TRANK1: variants seen among roughly 807,000 people sequenced by gnomAD.
TRANK1 encodes TPR and ankyrin repeat-containing protein 1.
In TRANK1, 198 loss-of-function variants were observed where a neutral mutation model predicts 266.0. The observed-to-expected ratio is 0.74, with a 90% CI of 0.66 to 0.84. The LOEUF (loss-of-function observed/expected upper bound fraction) is 0.84, where lower values mean the gene tolerates loss of function less well. Among genes scored for constraint, TRANK1 ranks in the 40% least tolerant of loss-of-function variants. The pLI, the probability that TRANK1 is intolerant of heterozygous loss-of-function variation, is 0.00. For missense variants in TRANK1, 3,326 were observed against 3,634.6 expected, an observed-to-expected ratio of 0.92 and a Z score of 2.18; for synonymous variants, 1,396 against 1,384.1, an observed-to-expected ratio of 1.01 and a Z score of -0.19.
rs1458728227 is a variant in TRANK1 at position 36,855,777 on chromosome 3, A to T, written c.3945T>A (p.Ser1315Arg). The part of the protein sequence containing the change: ...DKAVEMRTGD[S>R]DPRVYVTFEV... Reference sequence around the variant, plus strand: ...CAAACGTCACGTACACCCGGGGGTCACTGTCACCCGTACGCATTTCTACAG... The same window carrying T: ...CAAACGTCACGTACACCCGGGGGTCTCTGTCACCCGTACGCATTTCTACAG... Residue 1315 changes from serine (S) to arginine (R), a missense_variant, in exon 13 of 24, where the codon AGT becomes AGA. By Grantham distance (110) the Ser-to-Arg change is moderately radical. Coordinates refer to ENST00000645898, the MANE Select transcript of TRANK1 (RefSeq NM_001329998.2). 6.2e-7 allele frequency: 1 copy of T among 1,613,712 alleles called. No homozygotes were observed. The highest frequency in any genetic ancestry group is 1.7e-5 in the Admixed American group (1 of 59,988).
chr3:36,856,725 G>T lies in TRANK1; in HGVS notation c.2997C>A (p.Asp999Glu). 1 of 1,614,040 alleles carries T rather than the reference G, an allele frequency of 6.2e-7. No individual in the cohort carries two copies. Among genetic ancestry groups the T allele is most frequent in the Non-Finnish European group, 8.5e-7 (1 of 1,179,904 alleles). Residue 999 changes from aspartate (D) to glutamate (E), a missense_variant, in exon 13 of 24, where the codon GAC becomes GAA. Transcript: ENST00000645898. ...GCTCCCTGCCCTTCTCGGCCTCTGT[G>T]TCCTCCACATAGCAGCGAGGTATAC... is the stretch of plus-strand genomic sequence containing the variant. Reference protein sequence around the residue: ...QKRIPRCYVEDTEAEKGREHV... With the variant: ...QKRIPRCYVEETEAEKGREHV...
chr3:36,866,265 G>C (rs1277894378), intron 9 of TRANK1, among the ~76,000 whole-genome samples: 1 of 152,222 alleles, frequency 6.6e-6, no homozygotes, highest in African/African-American at 2.4e-5. Flanking sequence ...CTGGCCCAGA[G>C]TAGCACTATC....
chr3:36,872,174 G>T (rs976378476), intron 9 of TRANK1, among the ~76,000 whole-genome samples: 10 of 152,202 alleles, frequency 6.6e-5, no homozygotes, highest in African/African-American at 2.4e-4. Flanking sequence ...GCCAAGGCAG[G>T]TAGATCACTT....
At chr3:36,880,106 A>C (rs1352599125) in intron 8 of TRANK1, 2 of 142,106 alleles carry the variant, frequency 1.4e-5, no homozygotes, top group Non-Finnish European at 3.1e-5. Context: ...ATATATATAA[A>C]CATATATAAA....
At chr3:36,933,602 G>T (rs2080388461) in intron 1 of TRANK1, among the ~76,000 whole-genome samples, 1 of 152,168 alleles carries the variant, frequency 6.6e-6, no homozygotes, top group South Asian at 2.1e-4. Context: ...GCCATTTCTG[G>T]GTGGGCAGGA....
chr3:36,839,401 A>G (rs2078813042), intron 18 of TRANK1, among the ~76,000 whole-genome samples: 2 of 152,364 alleles, frequency 1.3e-5, no homozygotes, highest in East Asian at 3.8e-4. Flanking sequence ...TCTGCCCAGC[A>G]TGTACACATT....
intron 8 of TRANK1, chr3:36,880,847 G>A (rs558402054): frequency 6.0e-5 from 9 of 150,228 alleles, no homozygotes; most frequent in Admixed American, 1.3e-4. Context: ...CCATTAACTC[G>A]TCATTTAGCA....
At chr3:36,838,261 C>G in intron 20 of TRANK1, 111 bp downstream of exon 20, 2 of 1,488,110 alleles carry the variant, frequency 1.3e-6, no homozygotes. Context: ...GTGTCTCCCT[C>G]CTTGGAAGAC....
At chr3:36,859,742 T>C (rs2079109249) in intron 11 of TRANK1, among the ~76,000 whole-genome samples, 1 of 152,178 alleles carries the variant, frequency 6.6e-6, no homozygotes, top group Admixed American at 6.5e-5. Context: ...CACCTGATCC[T>C]GAGATGTGCT....
intron 1 of TRANK1, among the ~76,000 whole-genome samples, chr3:36,911,441 T>C (rs6779665): frequency 0.6 from 91,670 of 151,960 alleles, 27,924 homozygotes; most frequent in African/African-American, 0.67. Flanking sequence ...AAACACAAGG[T>C]ATTTCCATTG....
chr3:36,926,900 C>T (rs1006400855), intron 1 of TRANK1, among the ~76,000 whole-genome samples: 5 of 152,142 alleles, frequency 3.3e-5, no homozygotes, highest in Non-Finnish European at 5.9e-5. Context: ...ATTTAAAAAC[C>T]TTATTTGTCA....
chr3:36,914,310 T>A (rs959805930), intron 1 of TRANK1, among the ~76,000 whole-genome samples: 1 of 152,018 alleles, frequency 6.6e-6, no homozygotes, highest in Admixed American at 6.6e-5. Context: ...ATTTTTGTAT[T>A]TTTAGTAGAG....
Position 36,880,080 on chromosome 3 carries a change from A to ATG in TRANK1, c.908-5785_908-5784insCA, listed in dbSNP as rs1289341775. 1.7e-3 allele frequency: 224 copies of ATG among 128,996 alleles called. 52 individuals are homozygous for ATG. Among genetic ancestry groups the ATG allele is most frequent in the Non-Finnish European group, 3.1e-3 (195 of 62,354 alleles). The allele number at this position is 128,996 out of a possible 1,614,324, so 8.0% of individuals were successfully genotyped here. On this transcript the variant is annotated intron_variant, in intron 8 of 23. Transcript: ENST00000645898. Reference sequence around the variant, plus strand: ...CAAATATATGTAAACATGCAAATATATATAAACATATATAAATATATATAA... The same window carrying ATG: ...CAAATATATGTAAACATGCAAATATATGTATAAACATATATAAATATATATAA...
At chr3:36,838,849 G>A in intron 18 of TRANK1, 133 bp from the exon 19 acceptor site, 1 of 813,344 alleles carries the variant, frequency 1.2e-6, no homozygotes, top group Non-Finnish European at 1.9e-6. Context: ...AGAAGGAGGA[G>A]CAGGAAGGTG....
In TRANK1 at chr3:36,838,536, C is replaced by T. The variant is rs571072517; in HGVS notation, c.5385-32G>A. Reference sequence around the variant, plus strand: ...GAAGGAAAACAAAATAATATTTCCACGGAACATTGACCCTACACCAATATT... The same window carrying T: ...GAAGGAAAACAAAATAATATTTCCATGGAACATTGACCCTACACCAATATT... On this transcript the variant is annotated intron_variant, in intron 19 of 23. Coordinates refer to ENST00000645898, the MANE Select transcript of TRANK1 (RefSeq NM_001329998.2). 250 of 1,613,992 alleles carry T rather than the reference C, an allele frequency of 1.5e-4. 2 individuals are homozygous for T. The East Asian group carries it at 2.2e-3, about 14-fold the overall frequency.
intron 8 of TRANK1, among the ~76,000 whole-genome samples, chr3:36,881,949 C>T (rs552639442): frequency 1.1e-4 from 17 of 152,204 alleles, no homozygotes; most frequent in African/African-American, 4.1e-4. Context: ...AATAATATTC[C>T]CTTGTATGGA....
At position 36,874,202 on chromosome 3, in the gene TRANK1, C is replaced by T; in HGVS notation, c.1002G>A (p.Arg334=). 6.5e-7 allele frequency: 1 copy of T among 1,537,246 alleles called. No individual in the cohort carries two copies. Among genetic ancestry groups the T allele is most frequent in the Non-Finnish European group, 8.7e-7 (1 of 1,146,906 alleles). The change falls in exon 9 of 24, where the codon AGG becomes AGA. Residue 334 remains arginine (R), a synonymous_variant. Coordinates refer to ENST00000645898, the MANE Select transcript of TRANK1 (RefSeq NM_001329998.2). The stretch of plus-strand genomic sequence containing the variant: ...TCTCGATGGCTTTGAAGTTCTTATT[C>T]CTCTTCAGGACATCCACAACAGACC... ...QSRSVVDVLK[R]NKNFKAIEKI...
intron 9 of TRANK1, among the ~76,000 whole-genome samples, chr3:36,868,733 TA>T (rs1175724543): frequency 6.6e-6 from 1 of 152,202 alleles, no homozygotes; most frequent in Non-Finnish European, 1.5e-5. Context: ...TCTAAGTATA[TA>T]AAAAGATTGG....
chr3:36,856,530 G>C lies in TRANK1; in HGVS notation c.3192C>G (p.Leu1064=). ...VGELEYAVID[L]NPRPLEPIIL... ...TGATGGGCTCCAGTGGCCTGGGATT[G>C]AGGTCGATCACCGCGTACTCAAGCT... Residue 1064 remains leucine, a synonymous_variant, in exon 13 of 24, where the codon CTC becomes CTG. Transcript: ENST00000645898. 6.2e-7 allele frequency: 1 copy of C among 1,613,996 alleles called. No individual in the cohort carries two copies. Among genetic ancestry groups the C allele is most frequent in the Non-Finnish European group, 8.5e-7 (1 of 1,179,884 alleles).
Sources: allele counts gnomAD v4.1 joint callset (sites outside exome capture counted in the v4.1 genomes callset), GRCh38; gene constraint gnomAD v4.1.1; transcripts MANE v1.5; gene names NCBI Gene and HGNC (gene_info 2026-07-23, HGNC 2026-07-21).